The following KCNB2 variants were observed in gnomAD, a reference collection of about 807,000 sequenced individuals.
KCNB2 encodes the protein potassium voltage-gated channel subfamily B member 2.
Under a neutral mutation model 61.5 loss-of-function variants are expected in KCNB2, and 15 were observed. The observed-to-expected ratio is 0.24, with a 90% CI of 0.16 to 0.38. The LOEUF (loss-of-function observed/expected upper bound fraction) is 0.38. Ranked by LOEUF, KCNB2 falls within the 10% of genes least tolerant of loss-of-function variation. KCNB2 has a pLI of 1.00. For synonymous variants in KCNB2, 457 were observed against 446.0 expected (o/e 1.02, Z -0.31); for missense variants, 828 against 1,125.2 (o/e 0.74, Z 3.78).
intron 2 of KCNB2, among the ~76,000 whole-genome samples, chr8:72,815,385 A>G (rs1196729447): frequency 6.6e-6 from 1 of 152,178 alleles, no homozygotes; most frequent in Admixed American, 6.5e-5. Flanking sequence ...ATTCATTCTT[A>G]AGTATAAATT....
At chr8:72,840,143 G>A (rs1409809264) in intron 2 of KCNB2, among the ~76,000 whole-genome samples, 3 of 152,022 alleles carry the variant, frequency 2.0e-5, no homozygotes, top group African/African-American at 7.2e-5. Flanking sequence ...TCCCACTTAT[G>A]AGTGAGAACA....
At chr8:72,685,282 T>C (rs1806831553) in intron 2 of KCNB2, among the ~76,000 whole-genome samples, 1 of 152,186 alleles carries the variant, frequency 6.6e-6, no homozygotes, top group Non-Finnish European at 1.5e-5. Context: ...TAGGGTGTTT[T>C]CAACAATTTC....
At chr8:72,625,396 G>A (rs1393327221) in intron 2 of KCNB2, among the ~76,000 whole-genome samples, 2 of 151,936 alleles carry the variant, frequency 1.3e-5, no homozygotes, top group Non-Finnish European at 2.9e-5. Context: ...TCCCAAAATG[G>A]GAAAGAAAAA....
chr8:72,573,217 C>T (rs987982816), intron 2 of KCNB2, among the ~76,000 whole-genome samples: 8 of 152,160 alleles, frequency 5.3e-5, no homozygotes, highest in Admixed American at 1.3e-4. Flanking sequence ...AGAAAAAATA[C>T]ATAACATTCT....
At chr8:72,905,401 G>C (rs1002778084) in intron 2 of KCNB2, among the ~76,000 whole-genome samples, 8 of 152,130 alleles carry the variant, frequency 5.3e-5, no homozygotes, top group Non-Finnish European at 1.2e-4. Context: ...ACTTGGAAGT[G>C]CAATTGCAGA....
intron 2 of KCNB2, among the ~76,000 whole-genome samples, chr8:72,843,718 G>T (rs1322313183): frequency 6.6e-6 from 1 of 152,050 alleles, no homozygotes; most frequent in African/African-American, 2.4e-5. Context: ...CTTGATCTTT[G>T]TTGGTTTAAT....
rs200516745 is a variant in KCNB2, at chr8:72,936,769, G to T, written c.1414G>T (p.Ala472Ser). 3.3e-5 allele frequency: 53 copies of T among 1,614,172 alleles called. No homozygotes were observed. The highest frequency in any genetic ancestry group is 4.3e-5 in the Non-Finnish European group (51 of 1,180,032). ...ACTGATAGATGTGGCTGTTGAGAAG[G>T]CCGGAGAGTCCGCCAACACAAAGGA... ...MELIDVAVEK[A>S]GESANTKDSA... Residue 472 changes from alanine (A) to serine (S), a missense_variant, in exon 3 of 3, where the codon GCC becomes TCC. Transcript: ENST00000523207. The surrounding 1 kb of genome is among the most constrained non-coding windows in gnomAD (Gnocchi z 5.6).
chr8:72,894,465 G>A (rs1162804047), intron 2 of KCNB2, among the ~76,000 whole-genome samples: 2 of 152,160 alleles, frequency 1.3e-5, no homozygotes, highest in Non-Finnish European at 2.9e-5. Flanking sequence ...TATTCTTTAA[G>A]TTTTAAAAGT....
intron 2 of KCNB2, among the ~76,000 whole-genome samples, chr8:72,636,121 T>C (rs1425939844): frequency 6.6e-6 from 1 of 152,144 alleles, no homozygotes; most frequent in African/African-American, 2.4e-5. Context: ...AGCAGGGAAA[T>C]CAGAAGACAT....
chr8:72,864,487 C>G (rs1805480906), intron 2 of KCNB2, among the ~76,000 whole-genome samples: 1 of 152,204 alleles, frequency 6.6e-6, no homozygotes, highest in African/African-American at 2.4e-5. Context: ...AGTAGACACA[C>G]TTCTGCCTGT....
chr8:72,890,214 T>A (rs1805873957), intron 2 of KCNB2, among the ~76,000 whole-genome samples: 1 of 152,122 alleles, frequency 6.6e-6, no homozygotes. Flanking sequence ...TATCTAGAAG[T>A]CATTCCATAT....
At chr8:72,820,372 T>C (rs1585911491) in intron 2 of KCNB2, among the ~76,000 whole-genome samples, 3 of 152,310 alleles carry the variant, frequency 2.0e-5, no homozygotes, top group East Asian at 3.9e-4. Context: ...AAATAGTATA[T>C]TTATTCCAAT....
chr8:72,663,136 C>A (rs533535820), intron 2 of KCNB2, among the ~76,000 whole-genome samples: 1 of 152,214 alleles, frequency 6.6e-6, no homozygotes, highest in African/African-American at 2.4e-5. Context: ...GAGATAGGTG[C>A]TTATATTTTT....
intron 2 of KCNB2, among the ~76,000 whole-genome samples, chr8:72,711,276 G>C (rs1352820296): frequency 1.3e-5 from 2 of 152,214 alleles, no homozygotes; most frequent in South Asian, 2.1e-4. Flanking sequence ...AGGCCAGGAA[G>C]TGCAATACTG....
intron 2 of KCNB2, among the ~76,000 whole-genome samples, chr8:72,666,975 T>C (rs1257166027): frequency 6.8e-6 from 1 of 147,024 alleles, no homozygotes; most frequent in Non-Finnish European, 1.5e-5. Flanking sequence ...ATTCTGTTTT[T>C]TCCACATAAG....
intron 2 of KCNB2, among the ~76,000 whole-genome samples, chr8:72,700,584 G>A (rs1807103764): frequency 6.6e-6 from 1 of 151,982 alleles, no homozygotes; most frequent in South Asian, 2.1e-4. Context: ...GTCAAAAAAT[G>A]ACAAATGCTG....
intron 2 of KCNB2, among the ~76,000 whole-genome samples, chr8:72,693,644 A>C (rs570207709): frequency 6.6e-6 from 1 of 152,288 alleles, no homozygotes; most frequent in South Asian, 2.1e-4. Context: ...ATATTCTCAG[A>C]ATGACTTAAA....
chr8:72,713,117 G>A (rs962169064), intron 2 of KCNB2, among the ~76,000 whole-genome samples: 1 of 152,226 alleles, frequency 6.6e-6, no homozygotes, highest in South Asian at 2.1e-4. Context: ...TGGGGGAGGG[G>A]CGCCCGCCAT....
intron 2 of KCNB2, among the ~76,000 whole-genome samples, chr8:72,874,356 A>G (rs1360316859): frequency 6.6e-6 from 1 of 152,182 alleles, no homozygotes; most frequent in Non-Finnish European, 1.5e-5. Context: ...CATGATGAAC[A>G]CTGACGAGCC....
Sources: allele counts gnomAD v4.1 joint callset (sites outside exome capture counted in the v4.1 genomes callset), GRCh38; gene constraint gnomAD v4.1.1; non-coding constraint Gnocchi (gnomAD v3.1); transcripts MANE v1.5; gene names NCBI Gene and HGNC (gene_info 2026-07-23, HGNC 2026-07-21).